Variants in THSD7B observed in about 807,000 individuals in gnomAD.
The protein encoded by THSD7B is thrombospondin type 1 domain containing 7B.
A neutral mutation model predicts 213.6 loss-of-function variants in THSD7B; 138 were observed. The observed-to-expected ratio is 0.65, with a 90% confidence interval of 0.56 to 0.74. The LOEUF is 0.74. Among genes scored for constraint, THSD7B ranks in the 30% least tolerant of loss-of-function variants. THSD7B has a pLI of 0.00. For synonymous variants in THSD7B, 742 were observed against 687.0 expected, an observed-to-expected ratio of 1.08 and a Z score of -1.25; for missense variants, 1,931 against 1,991.5, an observed-to-expected ratio of 0.97 and a Z score of 0.58.
intron 12 of THSD7B, among the ~76,000 whole-genome samples, chr2:137,348,703 CTTTTTT>C (rs80150345): frequency 9.0e-6 from 1 of 110,934 alleles, no homozygotes; most frequent in African/African-American, 3.4e-5. Flanking sequence ...CTATGAACTC[CTTTTTT>C]TTTTTTTTTT....
intron 15 of THSD7B, among the ~76,000 whole-genome samples, chr2:137,469,326 A>G (rs1035981024): frequency 2.6e-5 from 4 of 152,210 alleles, no homozygotes; most frequent in Admixed American, 6.6e-5. Context: ...GTAATGTAAA[A>G]GTGAAATATG....
chr2:137,386,576 A>C (rs761470604), intron 12 of THSD7B, among the ~76,000 whole-genome samples: 2 of 152,224 alleles, frequency 1.3e-5, no homozygotes, highest in Non-Finnish European at 2.9e-5. Context: ...CTCTGGTCGG[A>C]ATCAACTTCA....
intron 21 of THSD7B, among the ~76,000 whole-genome samples, chr2:137,647,915 C>T (rs1683067089): frequency 6.6e-6 from 1 of 152,092 alleles, no homozygotes; most frequent in African/African-American, 2.4e-5. Flanking sequence ...ACTGGGATTG[C>T]TTCTTAGTGT....
In THSD7B at chr2:137,659,646, G is replaced by C; in HGVS notation, c.4376-18G>C. ...CTAATAGAGAAATCTGCAAATGATG[G>C]TGGAATTTCCTTTGCAGGAGGCTGC... On this transcript the variant is annotated intron_variant, in intron 24 of 27. Coordinates refer to ENST00000409968, the MANE Select transcript of THSD7B (RefSeq NM_001316349.2). 1 of 1,579,056 alleles carries C rather than the reference G, an allele frequency of 6.3e-7. No homozygotes were observed. The highest frequency in any genetic ancestry group is 1.2e-5 in the South Asian group (1 of 85,206).
chr2:136,908,612 G>A (rs1684207179), intron 2 of THSD7B, among the ~76,000 whole-genome samples: 1 of 152,154 alleles, frequency 6.6e-6, no homozygotes, highest in Non-Finnish European at 1.5e-5. Flanking sequence ...ATCTAGGATT[G>A]AGTTTGCACA....
chr2:137,669,113 CA>C (rs1683510707), intron 27 of THSD7B, among the ~76,000 whole-genome samples: 1 of 152,064 alleles, frequency 6.6e-6, no homozygotes, highest in Non-Finnish European at 1.5e-5. Context: ...AGTGTTACTT[CA>C]ATTTTTTCTC....
At chr2:137,410,515 C>A (rs554806508) in intron 13 of THSD7B, among the ~76,000 whole-genome samples, 2 of 152,204 alleles carry the variant, frequency 1.3e-5, no homozygotes, top group South Asian at 4.2e-4. Flanking sequence ...GTAATCCTCC[C>A]CCAGTGGCCT....
intron 12 of THSD7B, among the ~76,000 whole-genome samples, chr2:137,347,111 C>T (rs1684892136): frequency 6.6e-6 from 1 of 151,694 alleles, no homozygotes; most frequent in Admixed American, 6.6e-5. Context: ...GCCTAACATA[C>T]TTACATCTGT....
At chr2:137,604,513 T>C (rs1682135496) in intron 17 of THSD7B, among the ~76,000 whole-genome samples, 1 of 152,186 alleles carries the variant, frequency 6.6e-6, no homozygotes, top group Admixed American at 6.5e-5. Flanking sequence ...AATTTTAACA[T>C]GTATCTATCA....
chr2:137,597,410 A>G (rs1246076110), intron 17 of THSD7B, among the ~76,000 whole-genome samples: 1 of 151,742 alleles, frequency 6.6e-6, no homozygotes, highest in Non-Finnish European at 1.5e-5. Context: ...TGTAAAGGTC[A>G]TTTCCTAATC....
chr2:137,576,738 T>C lies in THSD7B; in HGVS notation c.3423+4182T>C, dbSNP rs1681468224. ...CCCTGCTTTAGAAGAGAAAGAGAAA[T>C]GCATGCCGGTTTTCTGATAAGTGGT... On this transcript the variant is annotated intron_variant, in intron 17 of 27. Transcript: ENST00000409968. Among the ~76,000 whole-genome samples the C allele has an allele frequency of 2.0e-5, 3 of 151,840 alleles. No individual in the cohort carries two copies. In the South Asian group the frequency reaches 6.2e-4, roughly 31 times the overall value.
At chr2:137,001,982 G>A (rs1012691477) in intron 2 of THSD7B, among the ~76,000 whole-genome samples, 1 of 151,778 alleles carries the variant, frequency 6.6e-6, no homozygotes, top group Non-Finnish European at 1.5e-5. Flanking sequence ...TTTCAGCTGA[G>A]CTGCTGATCT....
intron 2 of THSD7B, among the ~76,000 whole-genome samples, chr2:136,932,462 C>T (rs1684646844): frequency 7.9e-6 from 1 of 126,118 alleles, no homozygotes; most frequent in Non-Finnish European, 2.0e-5. Flanking sequence ...TAACTTTTGA[C>T]TGTTTTGAAA....
In THSD7B at chr2:137,025,627, G is replaced by A. The variant is rs192896962; in HGVS notation, c.140-30793G>A. Among the ~76,000 whole-genome samples, 63 of 152,230 alleles carry A rather than the reference G, an allele frequency of 4.1e-4. 1 individual carries two copies. The highest frequency in any genetic ancestry group is 3.5e-3 in the Admixed American group (53 of 15,282). On this transcript the variant is annotated intron_variant, in intron 2 of 27. Transcript: ENST00000409968. ...GGTCCCAGATGCTGTGCATCTTGTG[G>A]CTCTGCTATTCCCTAGAGTCTGAAG...
At chr2:136,896,322 CTT>C (rs918778095) in intron 2 of THSD7B, among the ~76,000 whole-genome samples, 1 of 152,086 alleles carries the variant, frequency 6.6e-6, no homozygotes, top group African/African-American at 2.4e-5. Flanking sequence ...TTCACTATAT[CTT>C]TGAAAGTATT....
intron 1 of THSD7B, among the ~76,000 whole-genome samples, chr2:136,847,023 AT>A (rs202199699): frequency 6.6e-6 from 1 of 151,976 alleles, no homozygotes; most frequent in Admixed American, 6.6e-5. Flanking sequence ...TAATTTTTCT[AT>A]TTTTTTTCCA....
intron 12 of THSD7B, among the ~76,000 whole-genome samples, chr2:137,382,115 C>T (rs931996570): frequency 6.6e-6 from 1 of 152,018 alleles, no homozygotes; most frequent in African/African-American, 2.4e-5. Flanking sequence ...ACGTGGTGGA[C>T]TTGGCTAATG....
intron 12 of THSD7B, among the ~76,000 whole-genome samples, chr2:137,326,940 G>A (rs1367600700): frequency 6.6e-6 from 1 of 152,072 alleles, no homozygotes; most frequent in Non-Finnish European, 1.5e-5. Context: ...ATGTTTAAGT[G>A]TGAAAATAAT....
chr2:136,984,207 A>C (rs753186611), intron 2 of THSD7B, among the ~76,000 whole-genome samples: 6 of 152,168 alleles, frequency 3.9e-5, no homozygotes, highest in Non-Finnish European at 8.8e-5. Flanking sequence ...AGAGTGGTGA[A>C]GCTGTACAAG....
Sources: allele counts gnomAD v4.1 joint callset (sites outside exome capture counted in the v4.1 genomes callset), GRCh38; gene constraint gnomAD v4.1.1; transcripts MANE v1.5; gene names NCBI Gene and HGNC (gene_info 2026-07-23, HGNC 2026-07-21).